Variants in CDKN2AIPNL observed in about 807,000 individuals in gnomAD.
CDKN2AIPNL encodes XRN2 binding domain containing 1.
CDKN2AIPNL carries 9 observed loss-of-function variants against 12.9 expected under a neutral mutation model. That is an observed-to-expected ratio of 0.70 (90% CI 0.42 to 1.22). The LOEUF (loss-of-function observed/expected upper bound fraction) is 1.22. CDKN2AIPNL is among the 50% of genes most tolerant of loss of function. CDKN2AIPNL has a pLI of 0.00. For missense variants in CDKN2AIPNL, 143 were observed against 153.6 expected (o/e 0.93, Z 0.37); for synonymous variants, 53 against 61.7 (o/e 0.86, Z 0.66).
At chr5:134,410,876 C>G (rs1200733402) in intron 1 of CDKN2AIPNL, 3 of 616,852 alleles carry the variant, frequency 4.9e-6, no homozygotes, top group South Asian at 3.8e-5. Context: ...AATCGAAGCT[C>G]TCTAATAGGG....
At chr5:134,403,876 G>A (rs765927445) in intron 2 of CDKN2AIPNL, among the ~76,000 whole-genome samples, 42 of 152,096 alleles carry the variant, frequency 2.8e-4, no homozygotes, top group Non-Finnish European at 5.1e-4. Context: ...CACCCACCTC[G>A]GCCTCCCAAA....
At chr5:134,403,924 CCAGT>C (rs1194673050) in intron 2 of CDKN2AIPNL, among the ~76,000 whole-genome samples, 1 of 152,070 alleles carries the variant, frequency 6.6e-6, no homozygotes, top group Non-Finnish European at 1.5e-5. Flanking sequence ...GTGCCCAGCC[CCAGT>C]CAGTCTTTTT....
At chr5:134,404,697 G>A (rs984237732) in intron 2 of CDKN2AIPNL, among the ~76,000 whole-genome samples, 2 of 151,960 alleles carry the variant, frequency 1.3e-5, no homozygotes, top group Non-Finnish European at 2.9e-5. Context: ...TCCACCAAGG[G>A]AGCGGCAGCT....
chr5:134,403,411 G>A (rs1436060940), intron 2 of CDKN2AIPNL, among the ~76,000 whole-genome samples: 1 of 152,216 alleles, frequency 6.6e-6, no homozygotes, highest in African/African-American at 2.4e-5. Flanking sequence ...AAATGAAGCA[G>A]AGCTATTCTT....
rs576544783 is a variant in CDKN2AIPNL, at chr5:134,402,633, A to C, written c.*282T>G. 4.5e-4 allele frequency: 138 copies of C among 308,326 alleles called. No individual in the cohort carries two copies. The highest frequency in any genetic ancestry group is 8.0e-4 in the Admixed American group (16 of 20,008). 19.1% of individuals were successfully genotyped at this position (308,326 alleles called of 1,614,324 possible). A position where few individuals can be genotyped will look rare whatever the true frequency, so the allele number is the denominator to read the frequency against. On this transcript the variant is annotated 3_prime_UTR_variant, in exon 3 of 3. Coordinates refer to ENST00000458198, the MANE Select transcript of CDKN2AIPNL (RefSeq NM_080656.3). ...GACCTTGTCGATAAGAAAAAAAAAAACCTGAAAACAGAAAAGAGGGCTTTT... is the reference window on the plus strand; with the variant it reads ...GACCTTGTCGATAAGAAAAAAAAAACCCTGAAAACAGAAAAGAGGGCTTTT...
chr5:134,409,381 G>A (rs969920538), intron 2 of CDKN2AIPNL, among the ~76,000 whole-genome samples: 2 of 152,166 alleles, frequency 1.3e-5, no homozygotes, highest in African/African-American at 4.8e-5. Context: ...CCCAGCTCCA[G>A]TGTCCAGATT....
intron 2 of CDKN2AIPNL, among the ~76,000 whole-genome samples, chr5:134,409,368 A>G (rs2149697668): frequency 6.6e-6 from 1 of 152,320 alleles, no homozygotes; most frequent in South Asian, 2.1e-4. Flanking sequence ...CACATTCTGT[A>G]GCCCCAGCTC....
chr5:134,402,991 T>C (rs1157432316), intron 2 of CDKN2AIPNL, 65 bp from the exon 3 acceptor site: 10 of 1,350,580 alleles, frequency 7.4e-6, no homozygotes, highest in Non-Finnish European at 1.0e-5. Context: ...TTCATCTTCA[T>C]AAATTAAAAT....
chr5:134,407,202 T>C (rs1412226580), intron 2 of CDKN2AIPNL, among the ~76,000 whole-genome samples: 5 of 151,770 alleles, frequency 3.3e-5, no homozygotes, highest in Non-Finnish European at 7.4e-5. Flanking sequence ...GCAGGGGCTC[T>C]GTACATTTTT....
chr5:134,407,982 T>C (rs757026023), intron 2 of CDKN2AIPNL, among the ~76,000 whole-genome samples: 1 of 151,458 alleles, frequency 6.6e-6, no homozygotes, highest in Non-Finnish European at 1.5e-5. Flanking sequence ...AATACAAAAA[T>C]TAGCTGGGTA....
At chr5:134,404,020 GA>G (rs1448827594) in intron 2 of CDKN2AIPNL, among the ~76,000 whole-genome samples, 1 of 152,154 alleles carries the variant, frequency 6.6e-6, no homozygotes, top group Non-Finnish European at 1.5e-5. Flanking sequence ...ATTACCTAAA[GA>G]AACCATCTTA....
intron 1 of CDKN2AIPNL, chr5:134,410,774 A>T: frequency 1.9e-6 from 1 of 535,182 alleles, no homozygotes; most frequent in South Asian, 2.3e-5. Context: ...TTAGGCCTGC[A>T]GGGGCCAAAT....
chr5:134,406,251 G>C (rs1464666101), intron 2 of CDKN2AIPNL, among the ~76,000 whole-genome samples: 7 of 152,168 alleles, frequency 4.6e-5, no homozygotes, highest in African/African-American at 1.7e-4. Flanking sequence ...TGTCTGTCTT[G>C]AGATACCAAC....
intron 2 of CDKN2AIPNL, among the ~76,000 whole-genome samples, chr5:134,407,256 A>AACACACACACACACACACAC (rs5871539): frequency 7.9e-5 from 11 of 139,708 alleles, no homozygotes; most frequent in African/African-American, 2.2e-4. Flanking sequence ...GACCCTTCCT[A>AACACACACACACACACACAC]ACACACACAC....
chr5:134,410,135 A>T (rs1225533011), intron 1 of CDKN2AIPNL, 133 bp from the exon 2 acceptor site: 2 of 603,604 alleles, frequency 3.3e-6, no homozygotes, highest in African/African-American at 3.7e-5. Context: ...AAACCTATAC[A>T]TGTTCCCCAC....
intron 1 of CDKN2AIPNL, 104 bp downstream of exon 1, chr5:134,411,512 G>A (rs769906349): frequency 1.4e-5 from 14 of 982,626 alleles, no homozygotes; most frequent in South Asian, 2.9e-5. Context: ...GGTTGGGCCC[G>A]GGTTCAGTCT....
intron 1 of CDKN2AIPNL, 126 bp from the exon 2 acceptor site, chr5:134,410,128 C>T (rs1281351101): frequency 8.0e-6 from 5 of 621,598 alleles, no homozygotes; most frequent in Non-Finnish European, 1.4e-5. Flanking sequence ...GCAGGGCAAA[C>T]CTATACATGT....
At chr5:134,404,843 C>A (rs141305804) in intron 2 of CDKN2AIPNL, among the ~76,000 whole-genome samples, 11 of 152,104 alleles carry the variant, frequency 7.2e-5, no homozygotes, top group Non-Finnish European at 1.6e-4. Flanking sequence ...TAGAGTACAG[C>A]GGTGCCATCT....
intron 2 of CDKN2AIPNL, among the ~76,000 whole-genome samples, chr5:134,407,811 A>G (rs75643821): frequency 2.0e-3 from 310 of 151,622 alleles, no homozygotes; most frequent in African/African-American, 7.2e-3. Context: ...CTTAGAAACA[A>G]AAAGGAAAGA....
Sources: gnomAD v4.1 joint callset for allele counts (sites outside exome capture counted in the v4.1 genomes callset) on GRCh38, gnomAD v4.1.1 for gene constraint, MANE v1.5 for transcripts, NCBI Gene and HGNC (gene_info 2026-07-23, HGNC 2026-07-21) for gene names.